Variants in NSD3 observed in about 807,000 individuals in gnomAD.
NSD3 encodes nuclear receptor binding SET domain protein 3, also known as histone-lysine N-methyltransferase NSD3.
A neutral mutation model predicts 160.8 loss-of-function variants in NSD3; 24 were observed. The observed-to-expected ratio is 0.15, with a 90% confidence interval of 0.11 to 0.21. The LOEUF (loss-of-function observed/expected upper bound fraction) is 0.21. Among genes scored for constraint, NSD3 ranks in the 10% least tolerant of loss-of-function variants. The pLI is 1.00. For missense variants in NSD3, 1,157 were observed against 1,735.9 expected, an observed-to-expected ratio of 0.67 and a Z score of 5.93; for synonymous variants, 520 against 600.0, an observed-to-expected ratio of 0.87 and a Z score of 1.95.
At chr8:38,307,978 A>C (rs143496221) in intron 12 of NSD3, among the ~76,000 whole-genome samples, 1 of 152,378 alleles carries the variant, frequency 6.6e-6, no homozygotes, top group East Asian at 1.9e-4. Context: ...ATAAAGATAC[A>C]GAAAGAAATG....
chr8:38,290,540 G>C lies in NSD3; in HGVS notation c.3053C>G (p.Pro1018Arg). The change falls in exon 17 of 24, where the codon CCT (proline) becomes CGT (arginine). Residue 1018 changes from proline to arginine, a missense_variant. Physicochemically the swap from Pro to Arg is moderately radical, Grantham distance 103. Transcript: ENST00000317025. ...YYWVHQGRVF[P>R]YVEGDKSFAE... ...AAAGCTTTTGTCTCCTTCAACATAA[G>C]GGAACACTCTGCCCTGGTGTACCCA... 1 of 1,614,104 alleles carries C rather than the reference G, an allele frequency of 6.2e-7. No individual in the cohort carries two copies. Among genetic ancestry groups the C allele is most frequent in the Non-Finnish European group, 8.5e-7 (1 of 1,180,016 alleles).
intron 17 of NSD3, 83 bp downstream of exon 17, chr8:38,290,392 G>T: frequency 7.1e-7 from 1 of 1,399,668 alleles, no homozygotes; most frequent in Non-Finnish European, 1.0e-6. Flanking sequence ...TCTAATACCA[G>T]AAATATTAGG....
rs968713417 is a variant in NSD3, at chr8:38,288,313, A to G, written c.3501+174T>C. 2.0e-5 allele frequency among the ~76,000 whole-genome samples: 3 copies of G among 152,166 alleles called. No individual in the cohort carries two copies. Among genetic ancestry groups the G allele is most frequent in the African/African-American group, 7.2e-5 (3 of 41,426 alleles). ...CAAAGTTTAAGCACATTTTATCACT[A>G]TCTTCTTCCTACTACTCTTCTTTGC... On this transcript the variant is annotated intron_variant, in intron 19 of 23. Coordinates refer to ENST00000317025, the MANE Select transcript of NSD3 (RefSeq NM_023034.2). The surrounding 1 kb of genome is among the most constrained non-coding windows in gnomAD (Gnocchi z 4.5).
rs1809122599 is a variant in NSD3 at position 38,295,837 on chromosome 8, T to C, written c.2874A>G (p.Leu958=). 3.1e-6 allele frequency: 5 copies of C among 1,613,648 alleles called. No homozygotes were observed. The South Asian group carries it at 5.5e-5, about 18-fold the overall frequency. Residue 958 remains leucine, a synonymous_variant, in exon 16 of 24, where the codon CTA becomes CTG. Transcript: ENST00000317025. ...TGACCCAAACAATCTGCTTGTAATG[T>C]AGTTTCTTGCCAGCTTTACAGTCAT... ...NCNDCKAGKK[L]HYKQIVWVKL... is the part of the protein sequence containing the mutation.
intron 1 of NSD3, among the ~76,000 whole-genome samples, chr8:38,365,146 G>A (rs1274935183): frequency 1.3e-5 from 2 of 152,090 alleles, no homozygotes; most frequent in African/African-American, 2.4e-5. Context: ...AATTGAGTTC[G>A]CAGAGAAACA....
chr8:38,303,744 G>C (rs1585869735), intron 14 of NSD3, among the ~76,000 whole-genome samples: 1 of 152,204 alleles, frequency 6.6e-6, no homozygotes, highest in Non-Finnish European at 1.5e-5. Context: ...TAACAAGCAT[G>C]ATGGGCCTTA....
rs1423301062 is a variant in NSD3, at chr8:38,272,113, C to T, written c.*3528G>A. 3.3e-5 allele frequency: 5 copies of T among 152,230 alleles called. No homozygotes were observed. The highest frequency in any genetic ancestry group is 7.3e-5 in the Non-Finnish European group (5 of 68,046). 9.4% of individuals were successfully genotyped at this position (152,230 alleles called of 1,614,324 possible). ...TGAGGGTCCTTTACATGATTAGATA[C>T]TCAATATCTCAGTTCCACAACGTTA... On this transcript the variant is annotated 3_prime_UTR_variant, in exon 24 of 24. Transcript: ENST00000317025.
chr8:38,320,958 A>G (rs919839168), intron 8 of NSD3, 114 bp downstream of exon 8: 2 of 942,646 alleles, frequency 2.1e-6, no homozygotes, highest in Non-Finnish European at 3.3e-6. Flanking sequence ...GCGTTAAGAT[A>G]GTCCAGAAAG....
At chr8:38,373,416 T>C (rs1811306628) in intron 1 of NSD3, among the ~76,000 whole-genome samples, 2 of 152,160 alleles carry the variant, frequency 1.3e-5, no homozygotes, top group African/African-American at 4.8e-5. Context: ...AATTATTTGT[T>C]TATACTGTAC....
At chr8:38,302,991 TATTA>T (rs1809311307) in intron 14 of NSD3, among the ~76,000 whole-genome samples, 1 of 152,228 alleles carries the variant, frequency 6.6e-6, no homozygotes, top group South Asian at 2.1e-4. Flanking sequence ...CAAAAGAGAA[TATTA>T]ATTAATCTAC....
chr8:38,324,171 T>A (rs1809853966), intron 7 of NSD3, among the ~76,000 whole-genome samples: 1 of 152,226 alleles, frequency 6.6e-6, no homozygotes, highest in African/African-American at 2.4e-5. Context: ...TGTAAGTTCA[T>A]CTTTTTATAA....
chr8:38,329,782 T>C lies in NSD3; in HGVS notation c.1177A>G (p.Ile393Val), dbSNP rs912204145. 6.2e-7 allele frequency: 1 copy of C among 1,614,224 alleles called. No homozygotes were observed. Among genetic ancestry groups the C allele is most frequent in the African/African-American group, 1.3e-5 (1 of 75,058 alleles). The change falls in exon 6 of 24, where the codon ATT becomes GTT. Residue 393 changes from isoleucine to valine, a missense_variant. Physicochemically the swap from Ile to Val is conservative, Grantham distance 29 (BLOSUM62 3). This residue lies in a region of NSD3 where 168 missense variants were observed against 208.1 expected (regional missense o/e 0.81). Transcript: ENST00000317025. This position sits in a 1 kb window ranked among gnomAD's most constrained non-coding sequence, Gnocchi z 4.8. ...TCTTCAGGCTGTTTATCAATGTAAATAAAAGTATACTGTTCTATTCTTTCT... is the reference window on the plus strand; with the variant it reads ...TCTTCAGGCTGTTTATCAATGTAAACAAAAGTATACTGTTCTATTCTTTCT... ...REERIEQYTFIYIDKQPEEAL... is the reference protein window; with the variant it reads ...REERIEQYTFVYIDKQPEEAL...
intron 22 of NSD3, among the ~76,000 whole-genome samples, 188 bp downstream of exon 22, chr8:38,278,118 T>C (rs912070780): frequency 2.6e-5 from 4 of 152,008 alleles, no homozygotes; most frequent in African/African-American, 9.7e-5. Context: ...TTTTGTATTT[T>C]TAGTAGAGAT....
At chr8:38,352,178 A>G (rs1045966171) in intron 1 of NSD3, among the ~76,000 whole-genome samples, 3 of 152,056 alleles carry the variant, frequency 2.0e-5, no homozygotes, top group Non-Finnish European at 2.9e-5. Flanking sequence ...AAAACAAATA[A>G]CCCCAAACAG....
chr8:38,308,323 T>A (rs1220184724), intron 12 of NSD3, among the ~76,000 whole-genome samples: 1 of 152,204 alleles, frequency 6.6e-6, no homozygotes, highest in African/African-American at 2.4e-5. Flanking sequence ...GGTCCCATTG[T>A]AAATATGTAA....
At chr8:38,303,332 G>C in intron 14 of NSD3, 1 of 985,380 alleles carries the variant, frequency 1.0e-6, no homozygotes, top group Non-Finnish European at 1.2e-6. Context: ...CGATATAGCA[G>C]GAAACATTTC....
At chr8:38,366,563 G>A (rs953300898) in intron 1 of NSD3, among the ~76,000 whole-genome samples, 3 of 151,906 alleles carry the variant, frequency 2.0e-5, no homozygotes, top group South Asian at 2.1e-4. Flanking sequence ...ACAGGCGCCC[G>A]CCACCACACC....
chr8:38,289,390 T>TA lies in NSD3; in HGVS notation c.3231+2dup. ...CAATCCCAGGCCAGAGATAAAGACT[T>TA]ACTTTGATGTGTTTGTAGGGAGGGG... On this transcript the variant is annotated splice_region_variant and intron_variant, in intron 18 of 23. Transcript: ENST00000317025. 6.2e-7 allele frequency: 1 copy of TA among 1,607,536 alleles called. No homozygotes were observed. Among genetic ancestry groups the TA allele is most frequent in the Non-Finnish European group, 8.5e-7 (1 of 1,177,476 alleles).
chr8:38,352,171 A>G (rs957162289), intron 1 of NSD3, among the ~76,000 whole-genome samples: 4 of 152,180 alleles, frequency 2.6e-5, no homozygotes, highest in African/African-American at 9.7e-5. Context: ...TAATAATAAA[A>G]CAAATAACCC....
Sources: allele counts gnomAD v4.1 joint callset (sites outside exome capture counted in the v4.1 genomes callset), GRCh38; gene constraint gnomAD v4.1.1; regional missense constraint gnomAD v4.1.1; non-coding constraint Gnocchi (gnomAD v3.1); transcripts MANE v1.5; gene names NCBI Gene and HGNC (gene_info 2026-07-23, HGNC 2026-07-21).